Variants in BPIFB3 observed in about 807,000 individuals in gnomAD.
BPIFB3 encodes the protein BPI fold containing family B member 3.
In BPIFB3, 49 loss-of-function variants were observed where a neutral mutation model predicts 53.1. That is an observed-to-expected ratio of 0.92 (90% confidence interval 0.73 to 1.17). BPIFB3 has a LOEUF of 1.17. Ranked by LOEUF, BPIFB3 falls within the 50% of genes most tolerant of loss-of-function variation. The pLI is 0.00. For missense variants in BPIFB3, 628 were observed against 592.5 expected, an observed-to-expected ratio of 1.06 and a Z score of -0.62; for synonymous variants, 271 against 269.6, an observed-to-expected ratio of 1.01 and a Z score of -0.05.
intron 3 of BPIFB3, 41 bp from the exon 5 acceptor site, chr20:33,059,850 A>G (rs546322328): frequency 1.2e-6 from 2 of 1,603,394 alleles, no homozygotes; most frequent in South Asian, 1.1e-5. Flanking sequence ...CAAGGGTGGG[A>G]GCTGGCTGCC....
chr20:33,064,866 A>T (rs767899371), intron 8 of BPIFB3, 21 bp downstream of exon 9: 1 of 1,604,472 alleles, frequency 6.2e-7, no homozygotes, highest in Non-Finnish European at 8.5e-7. Context: ...TGCCCGGGGG[A>T]TGGGGATGGG....
At chr20:33,070,022 G>T (rs1980820631) in intron 11 of BPIFB3, 67 bp downstream of exon 12, 1 of 1,555,136 alleles carries the variant, frequency 6.4e-7, no homozygotes, top group Non-Finnish European at 8.9e-7. Context: ...GGGCTGACAG[G>T]ATCCGCCTCC....
At chr20:33,057,333 C>T (rs965313629) in intron 2 of BPIFB3, among the ~76,000 whole-genome samples, 27 of 152,042 alleles carry the variant, frequency 1.8e-4, no homozygotes, top group African/African-American at 6.5e-4. Flanking sequence ...GGATTACAGG[C>T]GCCCACCACC....
At chr20:33,058,889 G>A (rs1241423611) in intron 2 of BPIFB3, among the ~76,000 whole-genome samples, 3 of 152,054 alleles carry the variant, frequency 2.0e-5, no homozygotes, top group South Asian at 4.2e-4. Flanking sequence ...CAAGGGAAGT[G>A]TGTTCCAGAC....
At chr20:33,058,747 A>G (rs896163842) in intron 2 of BPIFB3, among the ~76,000 whole-genome samples, 2 of 152,044 alleles carry the variant, frequency 1.3e-5, no homozygotes, top group South Asian at 2.1e-4. Flanking sequence ...GAGGCAGCCC[A>G]GGCAGGGTGG....
At chr20:33,066,230 T>A (rs1468606939) in intron 8 of BPIFB3, among the ~76,000 whole-genome samples, 1 of 152,146 alleles carries the variant, frequency 6.6e-6, no homozygotes, top group Non-Finnish European at 1.5e-5. Flanking sequence ...GGAGACCCTG[T>A]GCCCCATTTC....
chr20:33,064,466 C>T, exon 7 of BPIFB3: 1 of 1,613,996 alleles, frequency 6.2e-7, no homozygotes, highest in Non-Finnish European at 8.5e-7. Flanking sequence ...GGCCTGGTGT[C>T]CCTTGGGGCT....
At chr20:33,064,481 G>C in exon 7 of BPIFB3, 1 of 1,614,050 alleles carries the variant, frequency 6.2e-7, no homozygotes, top group South Asian at 1.1e-5. Flanking sequence ...GGGGCTCTTG[G>C]GTCCGTGGAA....
exon 9 of BPIFB3, chr20:33,066,840 C>T (rs967055183): frequency 4.3e-6 from 7 of 1,614,082 alleles, no homozygotes; most frequent in Non-Finnish European, 5.1e-6. Flanking sequence ...AGCGATGTCC[C>T]ACTGACAACT....
intron 5 of BPIFB3, among the ~76,000 whole-genome samples, chr20:33,063,203 T>G (rs553061851): frequency 6.6e-6 from 1 of 152,330 alleles, no homozygotes; most frequent in Non-Finnish European, 1.5e-5. Flanking sequence ...GGTGCCCCTC[T>G]GTGGGGTCTT....
chr20:33,071,910 T>C (rs887339036), intron 12 of BPIFB3, among the ~76,000 whole-genome samples, 194 bp from the exon 14 acceptor site: 1 of 152,120 alleles, frequency 6.6e-6, no homozygotes, highest in African/African-American at 2.4e-5. Flanking sequence ...AATCACAGAA[T>C]CTCTTTCGAG....
At position 33,059,508 on chromosome 20, in the gene BPIFB3, C is replaced by G. The variant is rs777079649; in HGVS notation, c.386+26C>G. 3 of 1,528,728 alleles carry G rather than the reference C, an allele frequency of 2.0e-6. No homozygotes were observed. The South Asian group carries it at 3.5e-5, about 18-fold the overall frequency. The allele number at this position is 1,528,728 out of a possible 1,614,324, so 94.7% of individuals were successfully genotyped here. ...GTGAGTGTGTCCTGGGGACCTCTAC[C>G]CTCCTGCTTCCTATCCCACCCCCTG... On this transcript the variant is annotated intron_variant, in intron 3 of 14. Coordinates refer to ENST00000375494, the Ensembl canonical transcript of BPIFB3.
exon 1 of BPIFB3, chr20:33,055,519 T>C (rs1308196715): frequency 6.2e-7 from 1 of 1,613,566 alleles, no homozygotes; most frequent in South Asian, 1.1e-5. Flanking sequence ...GCACGCTCGC[T>C]CGGATTGACA....
At chr20:33,070,812 G>A (rs988129660) in intron 11 of BPIFB3, among the ~76,000 whole-genome samples, 4 of 152,206 alleles carry the variant, frequency 2.6e-5, no homozygotes, top group South Asian at 2.1e-4. Context: ...GGCAGTTCAC[G>A]CCTCAGTCTT....
intron 12 of BPIFB3, 101 bp from the exon 14 acceptor site, chr20:33,072,003 C>A (rs1421934497): frequency 8.9e-6 from 11 of 1,240,852 alleles, no homozygotes; most frequent in Middle Eastern, 4.8e-4. Context: ...GAGGCTGAGG[C>A]AGCTGGGCCC....
chr20:33,059,826 C>T, intron 3 of BPIFB3, 65 bp from the exon 5 acceptor site: 1 of 1,575,940 alleles, frequency 6.3e-7, no homozygotes, highest in Admixed American at 1.8e-5. Flanking sequence ...CAGGGCCACC[C>T]TGGTGGGCGG....
exon 11 of BPIFB3, chr20:33,069,954 C>A: frequency 2.5e-6 from 4 of 1,614,168 alleles, no homozygotes; most frequent in Non-Finnish European, 3.4e-6. Context: ...GTCCCTGGAA[C>A]GGTAACTTGG....
chr20:33,055,586 A>G (rs758760950), intron 1 of BPIFB3, 39 bp downstream of exon 2: 2 of 1,611,960 alleles, frequency 1.2e-6, no homozygotes, highest in Non-Finnish European at 1.7e-6. Flanking sequence ...GGGCTGCTGC[A>G]ATGTCAACGA....
rs550547364 is a variant in BPIFB3, at chr20:33,064,715, G to A, written c.794G>A (p.Arg265His). The change falls in exon 8 of 15, where the codon CGT (arginine) becomes CAT (histidine). Residue 265 changes from arginine (R) to histidine (H), a missense_variant. Coordinates refer to ENST00000375494, the Ensembl canonical transcript of BPIFB3. ...GATATCATTGACTTCCCCAAGTCCC[G>A]TGCCCCAGCCAAGGTGCCCCCCAAG... 7.4e-6 allele frequency: 12 copies of A among 1,614,046 alleles called. No individual in the cohort carries two copies. Among genetic ancestry groups the A allele is most frequent in the African/African-American group, 6.7e-5 (5 of 75,004 alleles).
Sources: gnomAD v4.1 joint callset for allele counts (sites outside exome capture counted in the v4.1 genomes callset) on GRCh38, gnomAD v4.1.1 for gene constraint, MANE v1.5 for transcripts, NCBI Gene and HGNC (gene_info 2026-07-23, HGNC 2026-07-21) for gene names.